DESI1: variants seen among roughly 807,000 people sequenced by gnomAD.
DESI1 encodes the protein desumoylating isopeptidase 1, also known as PPPDE peptidase domain containing 2.
A neutral mutation model predicts 22.4 loss-of-function variants in DESI1; 17 were observed. That is an observed-to-expected ratio of 0.76 (90% CI 0.52 to 1.14). The LOEUF (loss-of-function observed/expected upper bound fraction) is 1.14, where lower values mean the gene tolerates loss of function less well. Among genes scored for constraint, DESI1 ranks in the 50% most tolerant of loss-of-function variants. The pLI is 0.00. For synonymous variants in DESI1, 92 were observed against 84.2 expected (o/e 1.09, Z -0.51); for missense variants, 177 against 208.9 (o/e 0.85, Z 0.94).
At chr22:41,606,677 G>T (rs1322955501) in intron 3 of DESI1, among the ~76,000 whole-genome samples, 1 of 150,574 alleles carries the variant, frequency 6.6e-6, no homozygotes, top group East Asian at 2.0e-4. Flanking sequence ...GGGAGGCTGA[G>T]GCAGGAGAAT....
At chr22:41,612,514 G>GAAA (rs132766) in intron 1 of DESI1, among the ~76,000 whole-genome samples, 3 of 134,374 alleles carry the variant, frequency 2.2e-5, no homozygotes, top group Admixed American at 1.6e-4. Flanking sequence ...CTCAAAAAAA[G>GAAA]AAAAAAAAAA....
rs749628206 is a variant in DESI1 at position 41,621,008 on chromosome 22, C to A, written c.-169G>T. On this transcript the variant is annotated 5_prime_UTR_variant, in exon 1 of 6. Coordinates refer to ENST00000263256, the MANE Select transcript of DESI1 (RefSeq NM_015704.3). The stretch of plus-strand genomic sequence containing the variant: ...CCTGCGCTGCTCGCGCCCCCACACC[C>A]GCTACCGGCAACGACTACTGTGAGG... 3.0e-6 allele frequency: 2 copies of A among 669,320 alleles called. No homozygotes were observed. Among genetic ancestry groups the A allele is most frequent in the Non-Finnish European group, 5.0e-6 (2 of 400,490 alleles). 41.5% of individuals were successfully genotyped at this position (669,320 alleles called of 1,614,324 possible). A position where few individuals can be genotyped will look rare whatever the true frequency, so the allele number is the denominator to read the frequency against.
chr22:41,614,589 C>CTTTTTTTTTTT (rs2067538386), intron 1 of DESI1, among the ~76,000 whole-genome samples: 1 of 20,914 alleles, frequency 4.8e-5, no homozygotes, highest in Admixed American at 2.2e-4. Flanking sequence ...CGGCCTACAT[C>CTTTTTTTTTTT]CTTTTTTTTT....
intron 1 of DESI1, among the ~76,000 whole-genome samples, chr22:41,614,480 G>C (rs1195775572): frequency 6.6e-6 from 1 of 150,870 alleles, no homozygotes; most frequent in Non-Finnish European, 1.5e-5. Flanking sequence ...GTGCAGTGGC[G>C]TGATCTCGGC....
Position 41,620,843 on chromosome 22 carries a change from G to A in DESI1, c.-4C>T. On this transcript the variant is annotated 5_prime_UTR_variant, in exon 1 of 6. Coordinates refer to ENST00000263256, the MANE Select transcript of DESI1 (RefSeq NM_015704.3). The stretch of plus-strand genomic sequence containing the variant: ...GATAGAGATTCGGCGGCTCCATTGG[G>A]ACCCGTGGCGACGGCGGCCACGACG... The A allele has an allele frequency of 6.2e-7, 1 of 1,604,046 alleles. No individual in the cohort carries two copies. Among genetic ancestry groups the A allele is most frequent in the East Asian group, 2.3e-5 (1 of 44,172 alleles).
Position 41,607,340 on chromosome 22 carries a change from C to G in DESI1, c.111-9G>C. 1.9e-6 allele frequency: 3 copies of G among 1,603,944 alleles called. No individual in the cohort carries two copies. The East Asian group carries it at 6.7e-5, about 36-fold the overall frequency. ...CAACTATGGATGTGTGCCTGTCACACAGAGAGAGACACAGTAAGCCAGAAA... is the reference window on the plus strand; with the variant it reads ...CAACTATGGATGTGTGCCTGTCACAGAGAGAGAGACACAGTAAGCCAGAAA... On this transcript the variant is annotated splice_polypyrimidine_tract_variant and intron_variant, in intron 2 of 5. Transcript: ENST00000263256.
Position 41,602,993 on chromosome 22 carries a change from G to A in DESI1, c.413+266C>T, listed in dbSNP as rs1023344849. 5.1e-6 allele frequency: 3 copies of A among 589,308 alleles called. No homozygotes were observed. The African/African-American group carries it at 5.6e-5, about 11-fold the overall frequency. 36.5% of individuals were successfully genotyped at this position (589,308 alleles called of 1,614,324 possible). ...GGAAGGACAGACGCCAGAATTTTGTGCAAGTACTGAAGCCAGTGTCAAGTG... is the reference window on the plus strand; with the variant it reads ...GGAAGGACAGACGCCAGAATTTTGTACAAGTACTGAAGCCAGTGTCAAGTG... On this transcript the variant is annotated intron_variant, in intron 5 of 5. Coordinates refer to ENST00000263256, the MANE Select transcript of DESI1 (RefSeq NM_015704.3).
Position 41,607,881 on chromosome 22 carries a change from T to A in DESI1, c.89-20A>T. On this transcript the variant is annotated intron_variant, in intron 1 of 5. Transcript: ENST00000263256. ...GTTTCCCTGTGGAGAGAAGAAGAGA[T>A]TTAGCCACTTGGGACTAGAATAAGT... 1.2e-6 allele frequency: 2 copies of A among 1,614,108 alleles called. No individual in the cohort carries two copies. Among genetic ancestry groups the A allele is most frequent in the South Asian group, 1.1e-5 (1 of 91,062 alleles).
In DESI1 at chr22:41,603,365, G is replaced by A. The variant is rs2067460263; in HGVS notation, c.307C>T (p.Leu103Phe). 1 of 1,614,194 alleles carries A rather than the reference G, an allele frequency of 6.2e-7. No individual in the cohort carries two copies. Among genetic ancestry groups the A allele is most frequent in the Admixed American group, 1.7e-5 (1 of 60,018 alleles). Residue 103 changes from leucine (L) to phenylalanine (F), a missense_variant, in exon 5 of 6, where the codon CTC (leucine) becomes TTC (phenylalanine). Physicochemically the swap from Leu to Phe is conservative, Grantham distance 22. Transcript: ENST00000263256. ...ESLFRGEAYN[L>F]FEHNCNTFSN... ...AAGGTGTTACAATTGTGTTCAAAGA[G>A]GTTGTAGGCCTCACCTCTGTACATT...
Position 41,620,937 on chromosome 22 carries a change from G to C in DESI1, c.-98C>G, listed in dbSNP as rs2067590868. 7.1e-6 allele frequency: 10 copies of C among 1,409,918 alleles called. No homozygotes were observed. Among genetic ancestry groups the C allele is most frequent in the Admixed American group, 2.1e-5 (1 of 47,310 alleles). The allele number at this position is 1,409,918 out of a possible 1,614,324, so 87.3% of individuals were successfully genotyped here. ...CGGGAGTGCGAAGCGGAGGGAGAGG[G>C]GGGGACCGAGCCCGGGCCCGGGCTG... On this transcript the variant is annotated 5_prime_UTR_variant, in exon 1 of 6. Coordinates refer to ENST00000263256, the MANE Select transcript of DESI1 (RefSeq NM_015704.3).
chr22:41,616,461 A>G (rs2067550873), intron 1 of DESI1, among the ~76,000 whole-genome samples: 1 of 152,036 alleles, frequency 6.6e-6, no homozygotes, highest in African/African-American at 2.4e-5. Context: ...AACGTGATGC[A>G]TGTACACGAA....
At position 41,600,193 on chromosome 22, in the gene DESI1, A is replaced by ATAT. The variant is rs1418841862; in HGVS notation, c.*903_*904insATA. 3 of 152,200 alleles carry ATAT rather than the reference A, an allele frequency of 2.0e-5. No individual in the cohort carries two copies. Among genetic ancestry groups the ATAT allele is most frequent in the Middle Eastern group, 3.2e-3 (1 of 316 alleles). 9.4% of individuals were successfully genotyped at this position (152,200 alleles called of 1,614,324 possible). ...GACTCCGTCTCAAAAAATAATAATAATTAAAATAAAGGTATTTTCTTAGAG... is the reference window on the plus strand; with the variant it reads ...GACTCCGTCTCAAAAAATAATAATAATATTTAAAATAAAGGTATTTTCTTAGAG... On this transcript the variant is annotated 3_prime_UTR_variant, in exon 6 of 6. Transcript: ENST00000263256.
Position 41,620,752 on chromosome 22 carries a change from C to T in DESI1, c.88G>A (p.Gly30Arg). 6.2e-7 allele frequency: 1 copy of T among 1,608,714 alleles called. No homozygotes were observed. The highest frequency in any genetic ancestry group is 8.5e-7 in the Non-Finnish European group (1 of 1,177,714). Residue 30 changes from glycine to arginine, a missense_variant and splice_region_variant, in exon 1 of 6, where the codon GGG becomes AGG. Physicochemically the swap from Gly to Arg is moderately radical, Grantham distance 125. Transcript: ENST00000263256. The stretch of plus-strand genomic sequence containing the variant: ...GCCCACCTGGCCCCTTCCCCCTCAC[C>T]CAGCATGATGGGGCTGAGCCGCCGG... The part of the protein sequence containing the change: ...LARRLSPIML[G>R]KQLEGIWHTS...
chr22:41,607,265 G>A lies in DESI1; in HGVS notation c.177C>T (p.Pro59=). The change falls in exon 3 of 6, where the codon CCC becomes CCT. Residue 59 remains proline, a synonymous_variant. Coordinates refer to ENST00000263256, the MANE Select transcript of DESI1 (RefSeq NM_015704.3). ...GAGTGTAGGGGAAGACACTCACCGGGGGGCAGCTGGAGATACCACCACTGC... is the reference window on the plus strand; with the variant it reads ...GAGTGTAGGGGAAGACACTCACCGGAGGGCAGCTGGAGATACCACCACTGC... ...FFGSGGISSC[P]PGGTLLGPPD... is the part of the protein sequence containing the mutation. 1 of 1,609,274 alleles carries A rather than the reference G, an allele frequency of 6.2e-7. No individual in the cohort carries two copies. Among genetic ancestry groups the A allele is most frequent in the South Asian group, 1.1e-5 (1 of 90,426 alleles).
intron 4 of DESI1, 85 bp downstream of exon 4, chr22:41,603,959 T>C (rs1360128337): frequency 8.1e-7 from 1 of 1,228,834 alleles, no homozygotes; most frequent in South Asian, 1.3e-5. Context: ...GTGATAAGGA[T>C]GATATGACAT....
chr22:41,603,407 A>G (rs147547581), intron 4 of DESI1, 26 bp from the exon 5 acceptor site: 1 of 1,614,030 alleles, frequency 6.2e-7, no homozygotes, highest in East Asian at 2.2e-5. Context: ...TTTGCAGAAC[A>G]TATATGAGAA....
intron 5 of DESI1, 30 bp from the exon 6 acceptor site, chr22:41,601,220 G>A: frequency 6.3e-7 from 1 of 1,584,892 alleles, no homozygotes; most frequent in Non-Finnish European, 8.6e-7. Context: ...TGAGAGGGGT[G>A]GGCTCTGGGA....
rs921381552 is a variant in DESI1, at chr22:41,600,658, C to G, written c.*439G>C. The G allele has an allele frequency of 6.4e-5, 11 of 172,998 alleles. No individual in the cohort carries two copies. The highest frequency in any genetic ancestry group is 1.7e-4 in the Admixed American group (3 of 17,778). The allele number at this position is 172,998 out of a possible 1,614,324, so 10.7% of individuals were successfully genotyped here. A position where few individuals can be genotyped will look rare whatever the true frequency, so the allele number is the denominator to read the frequency against. On this transcript the variant is annotated 3_prime_UTR_variant, in exon 6 of 6. Coordinates refer to ENST00000263256, the MANE Select transcript of DESI1 (RefSeq NM_015704.3). ...ACCAAATCCTTTGGTTCATTTAACA[C>G]TAGAGTAACTTTCTGGGTCACGGAT...
At chr22:41,607,000 G>A (rs1382779195) in intron 3 of DESI1, among the ~76,000 whole-genome samples, 2 of 152,076 alleles carry the variant, frequency 1.3e-5, no homozygotes, top group Non-Finnish European at 2.9e-5. Flanking sequence ...CTCGCAAGGA[G>A]CTTACACAGT....
Sources: gnomAD v4.1 joint callset for allele counts (sites outside exome capture counted in the v4.1 genomes callset) on GRCh38, gnomAD v4.1.1 for gene constraint, MANE v1.5 for transcripts, NCBI Gene and HGNC (gene_info 2026-07-23, HGNC 2026-07-21) for gene names.